The following SAE1 variants were observed in gnomAD, a reference collection of about 807,000 sequenced individuals.
SAE1 encodes the protein SUMO-activating enzyme subunit 1.
SAE1 carries 11 observed loss-of-function variants against 40.6 expected under a neutral mutation model. That is an observed-to-expected ratio of 0.27 (90% CI 0.17 to 0.45). SAE1 has a LOEUF of 0.45. Among genes scored for constraint, SAE1 ranks in the 20% least tolerant of loss-of-function variants. The pLI, the probability that SAE1 is intolerant of heterozygous loss-of-function variation, is 1.00. For missense variants in SAE1, 373 were observed against 427.3 expected, an observed-to-expected ratio of 0.87 and a Z score of 1.12; for synonymous variants, 155 against 154.3, an observed-to-expected ratio of 1.00 and a Z score of -0.03.
At chr19:47,193,315 C>A (rs919104512) in intron 6 of SAE1, among the ~76,000 whole-genome samples, 3 of 152,040 alleles carry the variant, frequency 2.0e-5, no homozygotes, top group Non-Finnish European at 4.4e-5. Context: ...CCTGCCTCAG[C>A]CTCTGAAAGT....
chr19:47,201,130 C>G (rs1172625179), intron 7 of SAE1, among the ~76,000 whole-genome samples: 1 of 152,024 alleles, frequency 6.6e-6, no homozygotes, highest in Non-Finnish European at 1.5e-5. Flanking sequence ...CAACCTCCGC[C>G]TCTGTGCTCT....
At chr19:47,159,789 G>A (rs2058347323) in intron 5 of SAE1, among the ~76,000 whole-genome samples, 1 of 152,148 alleles carries the variant, frequency 6.6e-6, no homozygotes, top group Non-Finnish European at 1.5e-5. Flanking sequence ...TGCCTCCTGG[G>A]TTCAAGCAAT....
At chr19:47,154,091 CTATTAT>C (rs961388690) in intron 4 of SAE1, among the ~76,000 whole-genome samples, 6 of 145,774 alleles carry the variant, frequency 4.1e-5, no homozygotes, top group Non-Finnish European at 4.5e-5. Flanking sequence ...CCGCACCCGG[CTATTAT>C]TATTATTTTT....
chr19:47,167,339 A>G (rs2058400108), intron 5 of SAE1, among the ~76,000 whole-genome samples: 1 of 149,954 alleles, frequency 6.7e-6, no homozygotes, highest in Admixed American at 6.7e-5. Context: ...CGATGGGTTC[A>G]CGCCATTCTC....
At chr19:47,144,457 T>C (rs897804532) in intron 2 of SAE1, among the ~76,000 whole-genome samples, 1 of 152,130 alleles carries the variant, frequency 6.6e-6, no homozygotes, top group African/African-American at 2.4e-5. Flanking sequence ...CCCAGCACTT[T>C]GGGAGGCTGA....
At chr19:47,141,881 A>T (rs2058224264) in intron 1 of SAE1, among the ~76,000 whole-genome samples, 1 of 152,144 alleles carries the variant, frequency 6.6e-6, no homozygotes, top group Non-Finnish European at 1.5e-5. Flanking sequence ...GATCTTGATG[A>T]GTTGTTTCAT....
intron 6 of SAE1, among the ~76,000 whole-genome samples, chr19:47,186,893 T>C (rs1481687491): frequency 1.3e-5 from 2 of 152,184 alleles, no homozygotes; most frequent in Non-Finnish European, 2.9e-5. Context: ...ACTGTGTGGC[T>C]GTGGCGACAG....
chr19:47,206,155 C>G (rs1327317515), intron 8 of SAE1, among the ~76,000 whole-genome samples: 2 of 152,234 alleles, frequency 1.3e-5, no homozygotes, highest in African/African-American at 4.8e-5. Flanking sequence ...CTGCTGGAGA[C>G]AGCTGGTGCC....
chr19:47,154,916 A>G (rs554142682), intron 4 of SAE1, among the ~76,000 whole-genome samples, 198 bp from the exon 5 acceptor site: 16 of 152,208 alleles, frequency 1.1e-4, no homozygotes, highest in African/African-American at 3.6e-4. Flanking sequence ...TGTTTTTCCC[A>G]CAATAATTTC....
At chr19:47,133,064 A>G (rs984823308) in intron 1 of SAE1, among the ~76,000 whole-genome samples, 1 of 152,176 alleles carries the variant, frequency 6.6e-6, no homozygotes, top group African/African-American at 2.4e-5. Flanking sequence ...TTCCTAGCTA[A>G]GAGAACAGCA....
Position 47,145,558 on chromosome 19 carries a change from C to T in SAE1, c.210+1953C>T, listed in dbSNP as rs78138403. ...ATAAGTGCTGCTCTCTCTACATTCC[C>T]ATGCCTCAGTGACATTTTATTTATT... On this transcript the variant is annotated intron_variant, in intron 2 of 8. Coordinates refer to ENST00000270225, the MANE Select transcript of SAE1 (RefSeq NM_005500.3). 1.1e-3 allele frequency among the ~76,000 whole-genome samples: 164 copies of T among 152,228 alleles called. 7 individuals are homozygous for T. The South Asian group carries it at 0.027, about 25-fold the overall frequency.
In SAE1 at chr19:47,209,155, C is replaced by T. The variant is rs760407119; in HGVS notation, c.949-4C>T. On this transcript the variant is annotated splice_polypyrimidine_tract_variant and splice_region_variant and intron_variant, in intron 8 of 8. Coordinates refer to ENST00000270225, the MANE Select transcript of SAE1 (RefSeq NM_005500.3). Reference sequence around the variant, plus strand: ...CTAAACCCTCTTTTCATTTTTCTCCCCAGGCCCTGTCTCAGCGGGACCCTC... The same window carrying T: ...CTAAACCCTCTTTTCATTTTTCTCCTCAGGCCCTGTCTCAGCGGGACCCTC... The T allele has an allele frequency of 6.2e-7, 1 of 1,613,288 alleles. No individual in the cohort carries two copies. Among genetic ancestry groups the T allele is most frequent in the East Asian group, 2.2e-5 (1 of 44,876 alleles).
At chr19:47,141,089 C>T (rs917336016) in intron 1 of SAE1, among the ~76,000 whole-genome samples, 1 of 152,100 alleles carries the variant, frequency 6.6e-6, no homozygotes, top group Non-Finnish European at 1.5e-5. Context: ...GCAACCTCCG[C>T]CTCCCAGGTT....
chr19:47,153,132 G>T, intron 4 of SAE1, 92 bp downstream of exon 4: 1 of 1,160,888 alleles, frequency 8.6e-7, no homozygotes. Flanking sequence ...TGTAGAGACA[G>T]GATCTATGCT....
Position 47,152,946 on chromosome 19 carries a change from A to T in SAE1, c.433A>T (p.Ile145Phe), listed in dbSNP as rs760311447. ...GGATGTCATAGTTAAAGTTGACCAGATCTGTCACAAAAATAGCATCAAGTT... is the reference window on the plus strand; with the variant it reads ...GGATGTCATAGTTAAAGTTGACCAGTTCTGTCACAAAAATAGCATCAAGTT... ...SRDVIVKVDQ[I>F]CHKNSIKFFT... Residue 145 changes from isoleucine (I) to phenylalanine (F), a missense_variant, in exon 4 of 9, where the codon ATC becomes TTC. Physicochemically the swap from Ile to Phe is conservative, Grantham distance 21 (BLOSUM62 0). This residue lies in a region of SAE1 where 351 missense variants were observed against 390.6 expected (regional missense o/e 0.90). Transcript: ENST00000270225. 9.3e-6 allele frequency: 15 copies of T among 1,612,444 alleles called. No individual in the cohort carries two copies. In the South Asian group the frequency reaches 1.6e-4, roughly 18 times the overall value.
At chr19:47,188,718 C>T (rs1352632828) in intron 6 of SAE1, among the ~76,000 whole-genome samples, 1 of 152,220 alleles carries the variant, frequency 6.6e-6, no homozygotes, top group Non-Finnish European at 1.5e-5. Flanking sequence ...GTCCTTGTCA[C>T]TTGCCCAAGG....
At chr19:47,193,659 C>G (rs1370236881) in intron 6 of SAE1, among the ~76,000 whole-genome samples, 1 of 151,268 alleles carries the variant, frequency 6.6e-6, no homozygotes, top group Non-Finnish European at 1.5e-5. Flanking sequence ...AACCCCATCT[C>G]TACTAAAAAT....
At chr19:47,139,574 G>A (rs969849164) in intron 1 of SAE1, among the ~76,000 whole-genome samples, 1 of 149,762 alleles carries the variant, frequency 6.7e-6, no homozygotes, top group Non-Finnish European at 1.5e-5. Flanking sequence ...CAATGCTGCT[G>A]TGAATGTGTA....
intron 5 of SAE1, among the ~76,000 whole-genome samples, chr19:47,164,409 C>T (rs1038458208): frequency 2.6e-5 from 4 of 151,998 alleles, no homozygotes; most frequent in South Asian, 2.1e-4. Context: ...CCTCGTGATC[C>T]GCCCGCCTTG....
Sources: allele counts gnomAD v4.1 joint callset (sites outside exome capture counted in the v4.1 genomes callset), GRCh38; gene constraint gnomAD v4.1.1; regional missense constraint gnomAD v4.1.1; transcripts MANE v1.5; gene names NCBI Gene and HGNC (gene_info 2026-07-23, HGNC 2026-07-21).